The following ANXA4 variants were observed in gnomAD, a reference collection of about 807,000 sequenced individuals.
ANXA4 encodes 35-beta calcimedin.
In ANXA4, 39 loss-of-function variants were observed where a neutral mutation model predicts 49.8. The observed-to-expected ratio is 0.78, with a 90% CI of 0.61 to 1.02. ANXA4 has a LOEUF of 1.02. ANXA4 is among the 50% of genes least tolerant of loss of function. ANXA4 has a pLI of 0.00. For missense variants in ANXA4, 360 were observed against 410.1 expected, an observed-to-expected ratio of 0.88 and a Z score of 1.05; for synonymous variants, 134 against 152.5, an observed-to-expected ratio of 0.88 and a Z score of 0.89.
At chr2:69,660,347 T>C (rs1025332523) in intron 2 of ANXA4, among the ~76,000 whole-genome samples, 1 of 152,120 alleles carries the variant, frequency 6.6e-6, no homozygotes, top group Non-Finnish European at 1.5e-5. Context: ...CTCTGGATAC[T>C]CCTTCAACCA....
intron 3 of ANXA4, among the ~76,000 whole-genome samples, chr2:69,736,821 A>C (rs1345985694): frequency 6.6e-6 from 1 of 152,172 alleles, no homozygotes; most frequent in Non-Finnish European, 1.5e-5. Flanking sequence ...ATTTATTTAG[A>C]TACAGAGTCT....
upstream of ANXA4, among the ~76,000 whole-genome samples, chr2:69,644,215 T>C (rs1308738692): frequency 1.6e-5 from 2 of 124,954 alleles, no homozygotes; most frequent in African/African-American, 6.0e-5. Flanking sequence ...AGCCATCTTA[T>C]TTGCGGCCTG....
chr2:69,789,924 C>T (rs749766065), intron 3 of ANXA4, among the ~76,000 whole-genome samples: 8 of 152,110 alleles, frequency 5.3e-5, no homozygotes, highest in Non-Finnish European at 7.3e-5. Flanking sequence ...AATCTTACTG[C>T]GCCTAAAGGG....
chr2:69,651,830 C>A (rs7557931), intron 1 of ANXA4, among the ~76,000 whole-genome samples: 63 of 9,666 alleles, frequency 6.5e-3, no homozygotes, highest in African/African-American at 0.02. Context: ...GGGGGGGGGG[C>A]GGGGAGACAG....
At chr2:69,678,625 G>A (rs115585613) in intron 2 of ANXA4, among the ~76,000 whole-genome samples, 20,696 of 151,812 alleles carry the variant, frequency 0.14, 2,051 homozygotes, top group East Asian at 0.37. Context: ...TCCAACTCCT[G>A]GGCCCAAGCA....
At chr2:69,807,763 A>G in intron 5 of ANXA4, 143 bp from the exon 6 acceptor site, 1 of 672,276 alleles carries the variant, frequency 1.5e-6, no homozygotes, top group South Asian at 1.9e-5. Flanking sequence ...GGGTGGGACA[A>G]TAAAAGTGAA....
At chr2:69,649,040 C>G (rs1028463151) in intron 1 of ANXA4, among the ~76,000 whole-genome samples, 3 of 151,902 alleles carry the variant, frequency 2.0e-5, no homozygotes, top group Non-Finnish European at 4.4e-5. Context: ...GCATGTGCCA[C>G]CACGCCTAGC....
chr2:69,715,799 T>C (rs1678863041), intron 2 of ANXA4, among the ~76,000 whole-genome samples: 1 of 152,098 alleles, frequency 6.6e-6, no homozygotes, highest in Non-Finnish European at 1.5e-5. Context: ...GAGGGAGGGG[T>C]AAGAAGGAGA....
At chr2:69,673,064 G>A (rs1677250035) in intron 2 of ANXA4, among the ~76,000 whole-genome samples, 1 of 152,198 alleles carries the variant, frequency 6.6e-6, no homozygotes. Context: ...TACACTGTTG[G>A]TGGGAGCATA....
intron 8 of ANXA4, chr2:69,815,722 G>A: frequency 5.0e-6 from 1 of 200,414 alleles, no homozygotes; most frequent in East Asian, 1.1e-4. Flanking sequence ...TTGAAATGAG[G>A]CCAATGTGAT....
intron 3 of ANXA4, among the ~76,000 whole-genome samples, chr2:69,726,419 C>T (rs539608881): frequency 6.6e-6 from 1 of 152,330 alleles, no homozygotes; most frequent in South Asian, 2.1e-4. Flanking sequence ...AAGCATTCTT[C>T]AGCTCAGGAG....
At chr2:69,784,090 A>C (rs1672313939) in intron 2 of ANXA4, among the ~76,000 whole-genome samples, 1 of 152,078 alleles carries the variant, frequency 6.6e-6, no homozygotes, top group Non-Finnish European at 1.5e-5. Flanking sequence ...CATTTTTGTC[A>C]TTCCTTCCTA....
intron 2 of ANXA4, among the ~76,000 whole-genome samples, chr2:69,716,698 G>A (rs972045383): frequency 6.6e-6 from 1 of 152,160 alleles, no homozygotes; most frequent in Non-Finnish European, 1.5e-5. Flanking sequence ...GGCTGCTCCG[G>A]GAATCCAGGT....
chr2:69,678,614 C>T (rs1174210610), intron 2 of ANXA4, among the ~76,000 whole-genome samples: 2 of 152,120 alleles, frequency 1.3e-5, no homozygotes, highest in South Asian at 2.1e-4. Context: ...CCAGGCTGGT[C>T]TCCAACTCCT....
Position 69,768,338 on chromosome 2 carries a change from C to T in ANXA4, c.-46-13182C>T, listed in dbSNP as rs149557237. Reference sequence around the variant, plus strand: ...ACAAGGCCAGCTCTCCTGATGGTTACAGCTGCTTAGCAGTGGCAAAGCCTA... The same window carrying T: ...ACAAGGCCAGCTCTCCTGATGGTTATAGCTGCTTAGCAGTGGCAAAGCCTA... On this transcript the variant is annotated intron_variant, in intron 1 of 12. Transcript: ENST00000394295. Among the ~76,000 whole-genome samples the T allele has an allele frequency of 2.5e-3, 382 of 152,350 alleles. 1 individual carries two copies. The highest frequency in any genetic ancestry group is 3.2e-3 in the Non-Finnish European group (215 of 68,032).
chr2:69,807,372 G>T (rs1054571270), intron 5 of ANXA4, among the ~76,000 whole-genome samples: 1 of 152,114 alleles, frequency 6.6e-6, no homozygotes, highest in East Asian at 1.9e-4. Flanking sequence ...CTGTGCCCTA[G>T]CCTGGTCTGC....
intron 3 of ANXA4, among the ~76,000 whole-genome samples, chr2:69,731,980 C>T (rs59393780): frequency 0.058 from 6,950 of 120,080 alleles, 650 homozygotes; most frequent in African/African-American, 0.2. Flanking sequence ...TCTTTTCTTT[C>T]TTTTTTTTTT....
At chr2:69,807,858 G>C in intron 5 of ANXA4, 48 bp from the exon 6 acceptor site, 1 of 1,532,772 alleles carries the variant, frequency 6.5e-7, no homozygotes, top group Non-Finnish European at 9.0e-7. Flanking sequence ...CTGGGCCTCA[G>C]CTTTGTAAAC....
At chr2:69,665,036 GA>G (rs1676882449) in intron 2 of ANXA4, among the ~76,000 whole-genome samples, 2 of 152,198 alleles carry the variant, frequency 1.3e-5, no homozygotes, top group Non-Finnish European at 2.9e-5. Flanking sequence ...CTGGGAGGTG[GA>G]GGTTGCAATG....
Sources: allele counts gnomAD v4.1 joint callset (sites outside exome capture counted in the v4.1 genomes callset), GRCh38; gene constraint gnomAD v4.1.1; transcripts MANE v1.5; gene names NCBI Gene and HGNC (gene_info 2026-07-23, HGNC 2026-07-21).